Variants in RNF213 observed in about 807,000 individuals in gnomAD.
The protein encoded by RNF213 is E3 ubiquitin-protein ligase RNF213.
A neutral mutation model predicts 514.4 loss-of-function variants in RNF213; 341 were observed. The ratio of observed to expected loss-of-function variants is 0.66; its 90% CI spans 0.61 to 0.73. RNF213 has a LOEUF of 0.73. Ranked by LOEUF, RNF213 falls within the 30% of genes least tolerant of loss-of-function variation. The pLI is 0.00. For missense variants in RNF213, 5,767 were observed against 6,615.6 expected (o/e 0.87, Z 4.45); for synonymous variants, 2,655 against 2,658.2 (o/e 1.00, Z 0.04).
intron 49 of RNF213, 140 bp from the exon 50 acceptor site, chr17:80,374,318 C>A: frequency 9.3e-7 from 1 of 1,080,112 alleles, no homozygotes; most frequent in Non-Finnish European, 1.4e-6. Context: ...GACTGTCCTG[C>A]CTCAGGCCAG....
chr17:80,360,300 G>C, intron 38 of RNF213, 94 bp downstream of exon 38: 2 of 1,400,248 alleles, frequency 1.4e-6, no homozygotes, highest in Non-Finnish European at 2.0e-6. Flanking sequence ...AGAATTGCAA[G>C]GTGAATTTTG....
rs1334458304 is a variant in RNF213 at position 80,395,954 on chromosome 17, T to G, written c.*2456T>G. ...GGATGCCTCATCACCAACCCTGACC[T>G]TCCCCCTCCCAACCCTTTATTCATC... On this transcript the variant is annotated 3_prime_UTR_variant, in exon 68 of 68. Transcript: ENST00000582970. The G allele has an allele frequency of 1.3e-5, 2 of 152,466 alleles. No individual in the cohort carries two copies. The highest frequency in any genetic ancestry group is 3.9e-4 in the East Asian group (2 of 5,176). The allele number at this position is 152,466 out of a possible 1,614,324, so 9.4% of individuals were successfully genotyped here.
rs1049661803 is a variant in RNF213 at position 80,308,338 on chromosome 17, G to A, written c.2502-680G>A. On this transcript the variant is annotated intron_variant, in intron 13 of 67. Transcript: ENST00000582970. The stretch of plus-strand genomic sequence containing the variant: ...AGCCCAGGGAGTCCTTTCTTACACC[G>A]CCTTCCCAGTCCCCTCCATCAACTC... 4.6e-5 allele frequency among the ~76,000 whole-genome samples: 7 copies of A among 151,802 alleles called. No individual in the cohort carries two copies. In the East Asian group the frequency reaches 7.8e-4, roughly 17 times the overall value.
intron 8 of RNF213, among the ~76,000 whole-genome samples, chr17:80,293,010 G>A (rs552677507): frequency 6.6e-6 from 1 of 152,274 alleles, no homozygotes; most frequent in South Asian, 2.1e-4. Flanking sequence ...AAAGACAGAA[G>A]TCCTAAGAAC....
chr17:80,276,953 C>T (rs2044081305), intron 3 of RNF213, among the ~76,000 whole-genome samples: 2 of 151,328 alleles, frequency 1.3e-5, no homozygotes, highest in South Asian at 2.1e-4. Context: ...GCTACTTGGG[C>T]GGCTGAGGCA....
chr17:80,274,950 T>TG (rs201574428), intron 3 of RNF213, among the ~76,000 whole-genome samples: 2 of 26,400 alleles, frequency 7.6e-5, no homozygotes, highest in African/African-American at 2.1e-4. Flanking sequence ...GGTGTGTGAG[T>TG]GGGGGGTGTG....
intron 18 of RNF213, among the ~76,000 whole-genome samples, chr17:80,327,306 T>C (rs957672908): frequency 1.3e-5 from 2 of 152,216 alleles, no homozygotes; most frequent in Non-Finnish European, 2.9e-5. Context: ...GAGACCAGCC[T>C]GGGCAACAAA....
rs748320525 is a variant in RNF213 at position 80,263,495 on chromosome 17, G to A, written c.-108-79G>A. The A allele has an allele frequency of 7.9e-6, 5 of 635,746 alleles. No individual in the cohort carries two copies. Among genetic ancestry groups the A allele is most frequent in the African/African-American group, 1.8e-5 (1 of 55,614 alleles). The allele number at this position is 635,746 out of a possible 1,614,324, so 39.4% of individuals were successfully genotyped here. On this transcript the variant is annotated intron_variant, in intron 1 of 67. Coordinates refer to ENST00000582970, the MANE Select transcript of RNF213 (RefSeq NM_001256071.3). This position sits in a 1 kb window ranked among gnomAD's most constrained non-coding sequence, Gnocchi z 4.9. ...AAGGGGGCAGCACAGAGCGGGGAGG[G>A]GCTGGGCTTGGGCTGTGCTCCTGTT...
At chr17:80,367,715 CT>C (rs779703651) in intron 42 of RNF213, 32 bp from the exon 43 acceptor site, 9 of 1,587,696 alleles carry the variant, frequency 5.7e-6, no homozygotes, top group South Asian at 2.2e-5. Context: ...GCCCTCCCCC[CT>C]GCTAATGACT....
chr17:80,261,799 A>G (rs1311916041), intron 1 of RNF213, among the ~76,000 whole-genome samples: 2 of 151,868 alleles, frequency 1.3e-5, no homozygotes, highest in Admixed American at 1.3e-4. Context: ...CGGGTGGGTC[A>G]CCTGAGGTCG....
intron 3 of RNF213, among the ~76,000 whole-genome samples, chr17:80,279,290 C>G (rs532738197): frequency 6.6e-6 from 1 of 152,248 alleles, no homozygotes; most frequent in Admixed American, 6.5e-5. Flanking sequence ...AGCAGGGGAG[C>G]CCAAGGGGGC....
chr17:80,326,391 G>C (rs775343241), intron 18 of RNF213, among the ~76,000 whole-genome samples: 1 of 152,148 alleles, frequency 6.6e-6, no homozygotes, highest in African/African-American at 2.4e-5. Flanking sequence ...ACCATCACAC[G>C]GGCAGTACCC....
intron 3 of RNF213, among the ~76,000 whole-genome samples, chr17:80,285,674 C>CT (rs1201335107): frequency 0.16 from 24,011 of 146,472 alleles, 2,078 homozygotes; most frequent in Non-Finnish European, 0.2. Flanking sequence ...TCTGCAGTTG[C>CT]TTTTTTTTTT....
Position 80,344,761 on chromosome 17 carries a change from G to A in RNF213, c.6426G>A (p.Glu2142=). The A allele has an allele frequency of 6.2e-7, 1 of 1,614,188 alleles. No homozygotes were observed. The highest frequency in any genetic ancestry group is 1.1e-5 in the South Asian group (1 of 91,074). Residue 2142 remains glutamate, a synonymous_variant, in exon 29 of 68, where the codon GAG becomes GAA. Coordinates refer to ENST00000582970, the MANE Select transcript of RNF213 (RefSeq NM_001256071.3). ...CRPPKEVIDM[E]LSALRSDTEP... ...CTCCCAAAGAGGTGATAGACATGGA[G>A]CTGAGTGCCCTGAGGAGTGACACAG... is the stretch of plus-strand genomic sequence containing the variant.
intron 50 of RNF213, 144 bp downstream of exon 50, chr17:80,374,733 C>CAGGGCGCACACT (rs2079676466): frequency 8.1e-6 from 8 of 990,614 alleles, no homozygotes; most frequent in Non-Finnish European, 1.2e-5. Context: ...CACGTGCCCA[C>CAGGGCGCACACT]AGCCTCCAGG....
intron 18 of RNF213, among the ~76,000 whole-genome samples, chr17:80,325,937 G>GTATTTATTTATTTATTTATT (rs144887674): frequency 2.0e-5 from 3 of 147,338 alleles, no homozygotes; most frequent in African/African-American, 7.6e-5. Context: ...TGTGTTATTT[G>GTATTTATTTATTTATTTATT]TATTTATTTA....
At chr17:80,294,421 T>C (rs2044861346) in intron 8 of RNF213, among the ~76,000 whole-genome samples, 1 of 152,198 alleles carries the variant, frequency 6.6e-6, no homozygotes, top group African/African-American at 2.4e-5. Context: ...TTTGCTGAGC[T>C]ACATAGTTAG....
chr17:80,358,932 G>A (rs563545798), intron 37 of RNF213, among the ~76,000 whole-genome samples: 10 of 152,144 alleles, frequency 6.6e-5, no homozygotes, highest in African/African-American at 1.9e-4. Context: ...GGAAGTTTAC[G>A]AAGCTCTGAG....
At chr17:80,328,104 T>C in intron 19 of RNF213, 115 bp downstream of exon 19, 1 of 1,263,438 alleles carries the variant, frequency 7.9e-7, no homozygotes, top group Non-Finnish European at 1.1e-6. Context: ...GCCTTGATAA[T>C]GAGTATCTCT....
Sources: gnomAD v4.1 joint callset for allele counts (sites outside exome capture counted in the v4.1 genomes callset) on GRCh38, gnomAD v4.1.1 for gene constraint, Gnocchi (gnomAD v3.1) non-coding constraint, MANE v1.5 for transcripts, NCBI Gene and HGNC (gene_info 2026-07-23, HGNC 2026-07-21) for gene names.